CORIN: variants seen among roughly 807,000 people sequenced by gnomAD.
CORIN encodes the protein atrial natriuretic peptide-converting enzyme.
CORIN carries 117 observed loss-of-function variants against 125.3 expected under a neutral mutation model. The observed-to-expected ratio is 0.93, with a 90% CI of 0.80 to 1.09. The LOEUF (loss-of-function observed/expected upper bound fraction) is 1.09, where lower values mean the gene tolerates loss of function less well. Among genes scored for constraint, CORIN ranks in the 50% least tolerant of loss-of-function variants. The pLI is 0.00. For synonymous variants in CORIN, 450 were observed against 466.4 expected, an observed-to-expected ratio of 0.96 and a Z score of 0.45; for missense variants, 1,253 against 1,306.7, an observed-to-expected ratio of 0.96 and a Z score of 0.63.
intron 4 of CORIN, among the ~76,000 whole-genome samples, chr4:47,750,034 C>T (rs564434059): frequency 5.3e-5 from 8 of 152,322 alleles, no homozygotes; most frequent in African/African-American, 1.9e-4. Context: ...ATCTGACCTC[C>T]TTGCACAATC....
At chr4:47,831,053 C>T (rs1732967294) in intron 1 of CORIN, among the ~76,000 whole-genome samples, 1 of 152,210 alleles carries the variant, frequency 6.6e-6, no homozygotes, top group African/African-American at 2.4e-5. Flanking sequence ...CCTAAGCCAG[C>T]CTGTTGGCCG....
intron 4 of CORIN, among the ~76,000 whole-genome samples, chr4:47,756,370 A>G (rs1729147496): frequency 6.6e-6 from 1 of 152,220 alleles, no homozygotes; most frequent in Non-Finnish European, 1.5e-5. Flanking sequence ...TTTGAATCAA[A>G]TGTAATCTGC....
chr4:47,652,298 G>A (rs28551584), intron 13 of CORIN, among the ~76,000 whole-genome samples: 20,801 of 152,044 alleles, frequency 0.14, 1,910 homozygotes, highest in East Asian at 0.47. Context: ...GAGCTGACAG[G>A]ATTTCAGTTG....
At chr4:47,630,806 A>G (rs1176038334) in intron 16 of CORIN, among the ~76,000 whole-genome samples, 1 of 152,198 alleles carries the variant, frequency 6.6e-6, no homozygotes, top group Admixed American at 6.5e-5. Context: ...ACCTGTTACA[A>G]CACAGATTTG....
At chr4:47,813,962 T>C (rs1489205921) in intron 1 of CORIN, among the ~76,000 whole-genome samples, 1 of 152,228 alleles carries the variant, frequency 6.6e-6, no homozygotes, top group Non-Finnish European at 1.5e-5. Context: ...TGGGATTGTA[T>C]GCAAAATTAT....
chr4:47,709,546 C>G (rs1163909569), intron 5 of CORIN, among the ~76,000 whole-genome samples: 1 of 152,034 alleles, frequency 6.6e-6, no homozygotes, highest in African/African-American at 2.4e-5. Flanking sequence ...CCCATCTCGG[C>G]CTCTCAAAGT....
intron 20 of CORIN, 78 bp downstream of exon 20, chr4:47,603,319 A>G (rs1437696297): frequency 2.2e-5 from 32 of 1,454,322 alleles, no homozygotes; most frequent in Non-Finnish European, 3.0e-5. Context: ...AATCAATTAA[A>G]CTTCTTTCCT....
At position 47,641,972 on chromosome 4, in the gene CORIN, C is replaced by G. The variant is rs957480180; in HGVS notation, c.2146G>C (p.Asp716His). The stretch of plus-strand genomic sequence containing the variant: ...TGACTCAATATCTCCTGCCAGCCAT[C>G]TGCACACACATGGTGTTCTGTGGCA... Reference protein sequence around the residue: ...RAATEHHVCADGWQEILSQLA... With the variant: ...RAATEHHVCAHGWQEILSQLA... Residue 716 changes from aspartate (D) to histidine (H), a missense_variant, in exon 16 of 22, where the codon GAT becomes CAT. By Grantham distance (81) the Asp-to-His change is moderately conservative. Transcript: ENST00000273857. 2 of 1,613,672 alleles carry G rather than the reference C, an allele frequency of 1.2e-6. No homozygotes were observed. The highest frequency in any genetic ancestry group is 1.7e-6 in the Non-Finnish European group (2 of 1,179,684).
chr4:47,778,521 G>A (rs537425315), intron 3 of CORIN, among the ~76,000 whole-genome samples: 3 of 152,290 alleles, frequency 2.0e-5, no homozygotes, highest in African/African-American at 7.2e-5. Context: ...AGGAGGAAGG[G>A]AAGGAAATCA....
chr4:47,799,708 T>C (rs1731455403), intron 2 of CORIN, among the ~76,000 whole-genome samples: 1 of 152,144 alleles, frequency 6.6e-6, no homozygotes. Flanking sequence ...CAAAATAGCA[T>C]ATAGGAGCAG....
intron 3 of CORIN, among the ~76,000 whole-genome samples, chr4:47,765,958 A>G (rs773464744): frequency 2.0e-5 from 3 of 152,210 alleles, no homozygotes; most frequent in African/African-American, 4.8e-5. Context: ...ATCATTTTAA[A>G]GAACTAACAA....
At chr4:47,633,608 T>G (rs555989338) in intron 16 of CORIN, among the ~76,000 whole-genome samples, 2 of 152,242 alleles carry the variant, frequency 1.3e-5, no homozygotes, top group East Asian at 3.8e-4. Flanking sequence ...AAATCTCATC[T>G]CCTTTTTTCG....
intron 2 of CORIN, among the ~76,000 whole-genome samples, chr4:47,798,226 C>T (rs1254065540): frequency 1.3e-5 from 2 of 152,184 alleles, no homozygotes; most frequent in Non-Finnish European, 2.9e-5. Flanking sequence ...CCTCTCGTAT[C>T]TTCAGAAATC....
chr4:47,787,974 C>G (rs185324696), intron 2 of CORIN, among the ~76,000 whole-genome samples: 18 of 152,280 alleles, frequency 1.2e-4, no homozygotes, highest in Non-Finnish European at 2.2e-4. Context: ...AAGAACCAAA[C>G]CTAAGATTAT....
chr4:47,784,008 T>C (rs1269940149), intron 3 of CORIN, among the ~76,000 whole-genome samples: 2 of 152,132 alleles, frequency 1.3e-5, no homozygotes, highest in Non-Finnish European at 2.9e-5. Context: ...AGTCCTAAGA[T>C]CTGAATCAAA....
chr4:47,622,919 C>T (rs1486541419), intron 19 of CORIN, among the ~76,000 whole-genome samples: 1 of 152,032 alleles, frequency 6.6e-6, no homozygotes, highest in Non-Finnish European at 1.5e-5. Flanking sequence ...CAAGTGATCA[C>T]TCTTCCTCGG....
chr4:47,683,110 C>T (rs1437448490), intron 7 of CORIN: 1 of 152,218 alleles, frequency 6.6e-6, no homozygotes, highest in Non-Finnish European at 1.5e-5. Context: ...AATTCTGAAG[C>T]TAGTCACAAA....
At chr4:47,624,136 GGT>G (rs1157537075) in intron 17 of CORIN, among the ~76,000 whole-genome samples, 188 bp from the exon 18 acceptor site, 1 of 152,048 alleles carries the variant, frequency 6.6e-6, no homozygotes, top group Admixed American at 6.6e-5. Flanking sequence ...GCAGGAGTGT[GGT>G]CAGATATTAA....
chr4:47,782,267 C>A (rs1330450345), intron 3 of CORIN, among the ~76,000 whole-genome samples: 2 of 151,752 alleles, frequency 1.3e-5, no homozygotes, highest in African/African-American at 4.8e-5. Flanking sequence ...TGCTTGTAAT[C>A]CCAGCTACTC....
Sources: allele counts gnomAD v4.1 joint callset (sites outside exome capture counted in the v4.1 genomes callset), GRCh38; gene constraint gnomAD v4.1.1; transcripts MANE v1.5; gene names NCBI Gene and HGNC (gene_info 2026-07-23, HGNC 2026-07-21).